The following CD200 variants were observed in gnomAD, a reference collection of about 807,000 sequenced individuals.
CD200 encodes CD200 molecule.
In CD200, 15 loss-of-function variants were observed where a neutral mutation model predicts 30.9. That is an observed-to-expected ratio of 0.49 (90% CI 0.32 to 0.75). CD200 has a LOEUF of 0.75. CD200 is among the 30% of genes least tolerant of loss of function. The probability of loss-of-function intolerance (pLI) is 0.03; values close to 1 mark genes in which losing one functional copy is unlikely to be tolerated. For missense variants in CD200, 262 were observed against 324.2 expected (o/e 0.81, Z 1.47); for synonymous variants, 134 against 126.2 (o/e 1.06, Z -0.41).
chr3:112,333,985 A>G, intron 1 of CD200: 1 of 985,428 alleles, frequency 1.0e-6, no homozygotes, highest in Non-Finnish European at 1.2e-6. Flanking sequence ...ATCCAAATAC[A>G]GTGAATGCCT....
upstream of CD200, chr3:112,333,108 C>T (rs2081031158): frequency 1.3e-6 from 2 of 1,502,072 alleles, no homozygotes; most frequent in Non-Finnish European, 1.8e-6. Flanking sequence ...GAGGAAGAGG[C>T]GGGAGGTGCG....
intron 4 of CD200, 80 bp from the exon 5 acceptor site, chr3:112,349,632 A>T: frequency 8.9e-7 from 1 of 1,126,520 alleles, no homozygotes; most frequent in Non-Finnish European, 1.2e-6. Flanking sequence ...GGATAATTTT[A>T]ACTAAAAGCT....
rs889225069 is a variant in CD200 at position 112,361,700 on chromosome 3, T to A, written c.*150T>A. 1.1e-5 allele frequency: 8 copies of A among 753,170 alleles called. No homozygotes were observed. The African/African-American group carries it at 1.4e-4, about 13-fold the overall frequency. 46.7% of individuals were successfully genotyped at this position (753,170 alleles called of 1,614,324 possible). On this transcript the variant is annotated 3_prime_UTR_variant, in exon 6 of 6. Coordinates refer to ENST00000315711, the MANE Select transcript of CD200 (RefSeq NM_005944.7). ...CCTTAAGGATCCCACGACTTTTTAC[T>A]GCCATCTGAGCTACTCAGTGTTTGA...
intron 4 of CD200, among the ~76,000 whole-genome samples, chr3:112,348,521 G>A (rs2081456199): frequency 6.6e-6 from 1 of 152,190 alleles, no homozygotes; most frequent in African/African-American, 2.4e-5. Context: ...GAGAATAAAG[G>A]GAGCAGAGAT....
At chr3:112,349,921 T>G in intron 5 of CD200, 102 bp downstream of exon 5, 1 of 1,387,414 alleles carries the variant, frequency 7.2e-7, no homozygotes, top group South Asian at 2.0e-5. Flanking sequence ...ATGGCAACAA[T>G]GTGTTTTGTC....
chr3:112,353,683 T>C (rs1019515220), intron 5 of CD200, among the ~76,000 whole-genome samples: 1 of 152,142 alleles, frequency 6.6e-6, no homozygotes, highest in Non-Finnish European at 1.5e-5. Flanking sequence ...AAACAAAAAA[T>C]ATCTGTTCAC....
At chr3:112,343,635 C>G (rs1480853569) in intron 2 of CD200, among the ~76,000 whole-genome samples, 1 of 151,938 alleles carries the variant, frequency 6.6e-6, no homozygotes, top group African/African-American at 2.4e-5. Context: ...ACTTTTTTTC[C>G]TTTAACAATT....
Position 112,347,841 on chromosome 3 carries a change from G to A in CD200, c.694+11G>A, listed in dbSNP as rs373191755. 44 of 1,609,680 alleles carry A rather than the reference G, an allele frequency of 2.7e-5. No homozygotes were observed. In the African/African-American group the frequency reaches 5.7e-4, roughly 21 times the overall value. Reference sequence around the variant, plus strand: ...AAACCGTCAACAAAGGTAAGAGAAAGTGAGCAAGGTGGCTGTGGTTGTGTC... The same window carrying A: ...AAACCGTCAACAAAGGTAAGAGAAAATGAGCAAGGTGGCTGTGGTTGTGTC... On this transcript the variant is annotated intron_variant, in intron 4 of 5. Coordinates refer to ENST00000315711, the MANE Select transcript of CD200 (RefSeq NM_005944.7).
intron 3 of CD200, among the ~76,000 whole-genome samples, chr3:112,345,943 C>T (rs1409265142): frequency 2.0e-5 from 3 of 152,054 alleles, no homozygotes; most frequent in African/African-American, 4.8e-5. Context: ...TGAAAGGTTA[C>T]GAAGTGAGAA....
chr3:112,345,281 CGTCT>C lies in CD200; in HGVS notation c.415_418del (p.Val139MetfsTer5). On this transcript the variant is annotated frameshift_variant, in exon 3 of 6. Coordinates refer to ENST00000315711, the MANE Select transcript of CD200 (RefSeq NM_005944.7). LOFTEE classifies it high-confidence loss of function. Reference sequence around the variant, plus strand: ...AGATCTCAGGAACGGCCTGCCTCACCGTCTATGGTGAGAATCTCTGAGAATCATT... The same window carrying C: ...AGATCTCAGGAACGGCCTGCCTCACCATGGTGAGAATCTCTGAGAATCATT... 6.2e-7 allele frequency: 1 copy of C among 1,611,046 alleles called. No homozygotes were observed. Among genetic ancestry groups the C allele is most frequent in the Non-Finnish European group, 8.5e-7 (1 of 1,177,464 alleles).
intron 5 of CD200, 148 bp from the exon 6 acceptor site, chr3:112,361,395 A>AGGG (rs2081739334): frequency 2.8e-6 from 2 of 710,406 alleles, no homozygotes; most frequent in Non-Finnish European, 5.0e-6. Context: ...ATACTGGGTC[A>AGGG]GAAATGTCTA....
chr3:112,351,855 AG>A (rs1330376888), intron 5 of CD200, among the ~76,000 whole-genome samples: 1 of 152,158 alleles, frequency 6.6e-6, no homozygotes, highest in African/African-American at 2.4e-5. Flanking sequence ...CAGAAGGAAA[AG>A]GGGAGCCAGT....
chr3:112,340,859 C>T (rs369044032), intron 1 of CD200, 43 bp from the exon 2 acceptor site: 172 of 1,243,762 alleles, frequency 1.4e-4, no homozygotes, highest in Admixed American at 6.5e-4. Flanking sequence ...TGGATTTGTC[C>T]AAATCCAAAC....
In CD200 at chr3:112,345,093, G is replaced by C. The variant is rs1385543784; in HGVS notation, c.226G>C (p.Val76Leu). ...GAAAGCTGTAAGCCCAGAAAACATG[G>C]TCACCTTCAGCGAGAACCATGGGGT... ...KKKAVSPENM[V>L]TFSENHGVVI... Residue 76 changes from valine to leucine, a missense_variant, in exon 3 of 6, where the codon GTC becomes CTC. By Grantham distance (32) the Val-to-Leu change is conservative. Transcript: ENST00000315711. The C allele has an allele frequency of 6.2e-7, 1 of 1,614,108 alleles. No individual in the cohort carries two copies. Among genetic ancestry groups the C allele is most frequent in the Admixed American group, 1.7e-5 (1 of 60,000 alleles).
Position 112,349,797 on chromosome 3 carries a change from A to T in CD200, c.780A>T (p.Lys260Asn). The T allele has an allele frequency of 6.2e-7, 1 of 1,610,598 alleles. No homozygotes were observed. Among genetic ancestry groups the T allele is most frequent in the South Asian group, 1.1e-5 (1 of 90,148 alleles). The change falls in exon 5 of 6, where the codon AAA becomes AAT. Residue 260 changes from lysine (K) to asparagine (N), a missense_variant. Lys to Asn is a moderately conservative substitution (Grantham distance 94). Coordinates refer to ENST00000315711, the MANE Select transcript of CD200 (RefSeq NM_005944.7). Reference sequence around the variant, plus strand: ...TAATCTCAATCTTACTGTACTGGAAACGTCACCGGAATCAGGACCGAGGTG... The same window carrying T: ...TAATCTCAATCTTACTGTACTGGAATCGTCACCGGAATCAGGACCGAGGTG... ...LVLISILLYW[K>N]RHRNQDREP
At chr3:112,338,316 C>T (rs555632137) in intron 1 of CD200, among the ~76,000 whole-genome samples, 1 of 152,186 alleles carries the variant, frequency 6.6e-6, no homozygotes, top group African/African-American at 2.4e-5. Flanking sequence ...GATAAAAGTA[C>T]AAAAAAGTAG....
chr3:112,342,596 T>A (rs1161729796), intron 2 of CD200, among the ~76,000 whole-genome samples: 1 of 151,826 alleles, frequency 6.6e-6, no homozygotes, highest in Non-Finnish European at 1.5e-5. Context: ...CTAATTTTTG[T>A]ATTTTTAGTA....
chr3:112,341,033 G>A (rs2081227709), intron 2 of CD200, 50 bp downstream of exon 2: 1 of 1,176,322 alleles, frequency 8.5e-7, no homozygotes, highest in Non-Finnish European at 1.3e-6. Context: ...ACAATTTCTG[G>A]GGTGAAGACA....
chr3:112,361,255 A>T (rs1012307608), intron 5 of CD200, among the ~76,000 whole-genome samples: 1 of 151,848 alleles, frequency 6.6e-6, no homozygotes, highest in African/African-American at 2.4e-5. Context: ...TATGTTGCCC[A>T]GACTGGTCTT....
Sources: gnomAD v4.1 joint callset for allele counts (sites outside exome capture counted in the v4.1 genomes callset) on GRCh38, gnomAD v4.1.1 for gene constraint, MANE v1.5 for transcripts, NCBI Gene and HGNC (gene_info 2026-07-23, HGNC 2026-07-21) for gene names.